Variants in AAK1 observed in about 807,000 individuals in gnomAD.
AAK1 encodes AP2-associated protein kinase 1.
A neutral mutation model predicts 116.0 loss-of-function variants in AAK1; 37 were observed. That is an observed-to-expected ratio of 0.32 (90% CI 0.25 to 0.42). AAK1 has a LOEUF of 0.42. Among genes scored for constraint, AAK1 ranks in the 10% least tolerant of loss-of-function variants. The pLI is 1.00. For missense variants in AAK1, 919 were observed against 1,170.6 expected (o/e 0.79, Z 3.14); for synonymous variants, 458 against 439.9 (o/e 1.04, Z -0.51).
rs916555237 is a variant in AAK1 at position 69,458,283 on chromosome 2, T to G, written c.*17586A>C. Reference sequence around the variant, plus strand: ...ACCTCCTCATTCAGTCCATTCCAAATAGTCAGCAGAGGGAGTTCACCTCTT... The same window carrying G: ...ACCTCCTCATTCAGTCCATTCCAAAGAGTCAGCAGAGGGAGTTCACCTCTT... On this transcript the variant is annotated 3_prime_UTR_variant, in exon 22 of 22. Transcript: ENST00000409085. 1 of 152,036 alleles carries G rather than the reference T, an allele frequency of 6.6e-6. No individual in the cohort carries two copies. The highest frequency in any genetic ancestry group is 2.4e-5 in the African/African-American group (1 of 41,246). The allele number at this position is 152,036 out of a possible 1,614,324, so 9.4% of individuals were successfully genotyped here.
chr2:69,518,417 T>TTTG lies in AAK1; in HGVS notation c.1497+536_1497+537insCAA, dbSNP rs1351144424. Among the ~76,000 whole-genome samples the TTTG allele has an allele frequency of 5.7e-4, 81 of 142,742 alleles. 1 individual carries two copies. The highest frequency in any genetic ancestry group is 1.9e-3 in the African/African-American group (72 of 37,366). 93.6% of individuals were successfully genotyped at this position (142,742 alleles called of 152,430 possible). A position where few individuals can be genotyped will look rare whatever the true frequency, so the allele number is the denominator to read the frequency against. ...CAGTCCTTAAAAAAAAATAGTTTTT[T>TTTG]TTTTTTTTTTTTTTTTTTTGAGACA... is the stretch of plus-strand genomic sequence containing the variant. On this transcript the variant is annotated intron_variant, in intron 12 of 21. Coordinates refer to ENST00000409085, the MANE Select transcript of AAK1 (RefSeq NM_014911.5).
intron 2 of AAK1, among the ~76,000 whole-genome samples, chr2:69,624,254 C>G (rs927983831): frequency 6.6e-5 from 10 of 152,116 alleles, no homozygotes; most frequent in African/African-American, 2.4e-4. Context: ...AGTAATAGAA[C>G]AAGTACTCAA....
At chr2:69,542,759 C>T (rs1670773065) in intron 4 of AAK1, 94 bp from the exon 5 acceptor site, 12 of 1,431,786 alleles carry the variant, frequency 8.4e-6, no homozygotes, top group Non-Finnish European at 1.1e-5. Context: ...GAGAAGCAGT[C>T]TGGACTAAGG....
intron 2 of AAK1, among the ~76,000 whole-genome samples, chr2:69,561,981 C>G (rs1671663218): frequency 6.6e-6 from 1 of 152,242 alleles, no homozygotes; most frequent in African/African-American, 2.4e-5. Flanking sequence ...CTTCATTCAC[C>G]TGTTGAAGGA....
At chr2:69,497,039 C>T (rs1447564088) in intron 16 of AAK1, among the ~76,000 whole-genome samples, 2 of 152,138 alleles carry the variant, frequency 1.3e-5, no homozygotes, top group African/African-American at 2.4e-5. Flanking sequence ...TTTTCTGGCA[C>T]AATTTTCTTA....
At chr2:69,575,139 CT>C (rs985223837) in intron 2 of AAK1, among the ~76,000 whole-genome samples, 7 of 151,130 alleles carry the variant, frequency 4.6e-5, no homozygotes, top group Non-Finnish European at 1.0e-4. Context: ...CATATATTAT[CT>C]TTTTTTCTAT....
intron 2 of AAK1, among the ~76,000 whole-genome samples, chr2:69,617,737 G>A (rs758938751): frequency 6.6e-6 from 1 of 152,208 alleles, no homozygotes; most frequent in Non-Finnish European, 1.5e-5. Flanking sequence ...CCAGCAGCAC[G>A]CTGTGCCTGC....
In AAK1 at chr2:69,643,261, G is replaced by C. The variant is rs1675830195; in HGVS notation, c.-221C>G. 7.1e-7 allele frequency: 1 copy of C among 1,408,838 alleles called. No individual in the cohort carries two copies. Among genetic ancestry groups the C allele is most frequent in the Admixed American group, 3.2e-5 (1 of 31,388 alleles). The allele number at this position is 1,408,838 out of a possible 1,614,324, so 87.3% of individuals were successfully genotyped here. A position where few individuals can be genotyped will look rare whatever the true frequency, so the allele number is the denominator to read the frequency against. ...CCCCTCCTCCTCCAGAAAGCGATTC[G>C]TGTAAGTTTAAACCTGTGATGACAG... On this transcript the variant is annotated 5_prime_UTR_variant, in exon 2 of 22. Transcript: ENST00000409085.
chr2:69,585,508 G>A (rs944833690), intron 2 of AAK1, among the ~76,000 whole-genome samples: 3 of 152,156 alleles, frequency 2.0e-5, no homozygotes, highest in African/African-American at 7.2e-5. Flanking sequence ...TGGTTCCAAT[G>A]GGCTGGCCTA....
chr2:69,540,384 G>A (rs182872869), intron 5 of AAK1, among the ~76,000 whole-genome samples: 1 of 152,272 alleles, frequency 6.6e-6, no homozygotes, highest in African/African-American at 2.4e-5. Context: ...GCCTCCCAAA[G>A]TGCTGGGATT....
intron 2 of AAK1, among the ~76,000 whole-genome samples, chr2:69,608,980 T>A (rs138079585): frequency 6.6e-6 from 1 of 152,104 alleles, no homozygotes; most frequent in Non-Finnish European, 1.5e-5. Flanking sequence ...AAGACACACA[T>A]AAAAGGAGAC....
At chr2:69,607,270 G>A (rs1673849988) in intron 2 of AAK1, among the ~76,000 whole-genome samples, 1 of 152,026 alleles carries the variant, frequency 6.6e-6, no homozygotes, top group African/African-American at 2.4e-5. Context: ...ACCCCAGGGA[G>A]AGGGAAGGAC....
At chr2:69,577,608 G>A (rs377279340) in intron 2 of AAK1, among the ~76,000 whole-genome samples, 1 of 152,312 alleles carries the variant, frequency 6.6e-6, no homozygotes, top group South Asian at 2.1e-4. Flanking sequence ...ACCAGGCTGT[G>A]GTAGGGATTT....
Position 69,465,215 on chromosome 2 carries a change from A to C in AAK1, c.*10654T>G. ...GTCCAGAAATCAATATAAACAAACA[A>C]ACAAACAAACAAAAATGAACATAAC... On this transcript the variant is annotated 3_prime_UTR_variant, in exon 22 of 22. Transcript: ENST00000409085. The C allele has an allele frequency of 2.8e-6, 1 of 363,482 alleles. No individual in the cohort carries two copies. Among genetic ancestry groups the C allele is most frequent in the Admixed American group, 4.6e-5 (1 of 21,524 alleles). The allele number at this position is 363,482 out of a possible 1,614,324, so 22.5% of individuals were successfully genotyped here.
rs1378956781 is a variant in AAK1, at chr2:69,469,317, T to C, written c.*6552A>G. On this transcript the variant is annotated 3_prime_UTR_variant, in exon 22 of 22. Coordinates refer to ENST00000409085, the MANE Select transcript of AAK1 (RefSeq NM_014911.5). The stretch of plus-strand genomic sequence containing the variant: ...GGTGGTGGCAGCACCAGAAACAAGG[T>C]AGTCGAGAGAAGGATAAATTCCAAA... The C allele has an allele frequency of 6.1e-6, 6 of 985,286 alleles. No homozygotes were observed. The highest frequency in any genetic ancestry group is 7.2e-6 in the Non-Finnish European group (6 of 829,942). The allele number at this position is 985,286 out of a possible 1,614,324, so 61.0% of individuals were successfully genotyped here. A position where few individuals can be genotyped will look rare whatever the true frequency, so the allele number is the denominator to read the frequency against.
intron 5 of AAK1, 73 bp from the exon 6 acceptor site, chr2:69,532,235 C>A: frequency 6.4e-7 from 1 of 1,569,448 alleles, no homozygotes; most frequent in Non-Finnish European, 8.7e-7. Context: ...GTTTCACAGT[C>A]ACATAAATAA....
chr2:69,560,579 A>G (rs965474216), intron 2 of AAK1, among the ~76,000 whole-genome samples: 2 of 152,270 alleles, frequency 1.3e-5, no homozygotes, highest in Non-Finnish European at 2.9e-5. Flanking sequence ...CTATTATGTG[A>G]AGCAAGCAAG....
chr2:69,506,312 C>T (rs971573595), intron 15 of AAK1, among the ~76,000 whole-genome samples: 1 of 151,976 alleles, frequency 6.6e-6, no homozygotes, highest in African/African-American at 2.4e-5. Context: ...AACAAAGTTG[C>T]CAAAAAAGTT....
At chr2:69,500,031 G>A (rs1012983103) in intron 16 of AAK1, 1 of 152,198 alleles carries the variant, frequency 6.6e-6, no homozygotes, top group Non-Finnish European at 1.5e-5. Context: ...TATAGACACA[G>A]TCTGTCATTT....
Sources: allele counts gnomAD v4.1 joint callset (sites outside exome capture counted in the v4.1 genomes callset), GRCh38; gene constraint gnomAD v4.1.1; transcripts MANE v1.5; gene names NCBI Gene and HGNC (gene_info 2026-07-23, HGNC 2026-07-21).